Variants in RIC1 observed in about 807,000 individuals in gnomAD.
RIC1 encodes guanine nucleotide exchange factor subunit RIC1.
In RIC1, 88 loss-of-function variants were observed where a neutral mutation model predicts 169.0. The observed-to-expected ratio is 0.52, with a 90% CI of 0.44 to 0.62. The LOEUF (loss-of-function observed/expected upper bound fraction) is 0.62. Ranked by LOEUF, RIC1 falls within the 20% of genes least tolerant of loss-of-function variation. RIC1 has a pLI of 0.00. For synonymous variants in RIC1, 790 were observed against 601.5 expected (o/e 1.31, Z -4.59); for missense variants, 1,877 against 1,725.5 (o/e 1.09, Z -1.56).
rs565421452 is a variant in RIC1 at position 5,683,949 on chromosome 9, G to A, written c.253-6010G>A. On this transcript the variant is annotated intron_variant, in intron 2 of 25. Coordinates refer to ENST00000414202, the MANE Select transcript of RIC1 (RefSeq NM_020829.4). ...GGGCATAGGACCCTCCGAGCCAGGT[G>A]CGGGATATAATCTCCTGGTATGCCA... is the stretch of plus-strand genomic sequence containing the variant. 1.1e-4 allele frequency among the ~76,000 whole-genome samples: 16 copies of A among 152,326 alleles called. 1 individual carries two copies. The highest frequency in any genetic ancestry group is 3.6e-4 in the African/African-American group (15 of 41,576).
intron 3 of RIC1, among the ~76,000 whole-genome samples, chr9:5,704,023 A>T (rs1410940363): frequency 6.9e-6 from 1 of 144,650 alleles, no homozygotes; most frequent in Non-Finnish European, 1.5e-5. Flanking sequence ...TATCCTCATC[A>T]ACATTTGTTA....
intron 2 of RIC1, among the ~76,000 whole-genome samples, chr9:5,659,961 A>G (rs927860501): frequency 3.9e-5 from 6 of 152,012 alleles, no homozygotes; most frequent in Non-Finnish European, 2.9e-5. Context: ...TAAGCCCAGC[A>G]TCCATTAGCT....
intron 3 of RIC1, among the ~76,000 whole-genome samples, chr9:5,705,191 T>A (rs891597073): frequency 8.0e-6 from 1 of 125,158 alleles, no homozygotes; most frequent in African/African-American, 3.3e-5. Flanking sequence ...TTCCCATTTC[T>A]GTTTTTTTTT....
At chr9:5,770,705 T>G (rs1200240806) in intron 23 of RIC1, among the ~76,000 whole-genome samples, 1 of 152,240 alleles carries the variant, frequency 6.6e-6, no homozygotes, top group Admixed American at 6.5e-5. Context: ...GTTTTTTATT[T>G]CATCAATAAA....
intron 2 of RIC1, among the ~76,000 whole-genome samples, chr9:5,666,618 C>G (rs1262287463): frequency 6.6e-6 from 1 of 152,108 alleles, no homozygotes; most frequent in Non-Finnish European, 1.5e-5. Flanking sequence ...TTGTCAAATG[C>G]TCTCTTTGCG....
intron 17 of RIC1, among the ~76,000 whole-genome samples, 178 bp downstream of exon 17, chr9:5,757,629 AAAT>A (rs1330134053): frequency 6.6e-6 from 1 of 152,276 alleles, no homozygotes; most frequent in Non-Finnish European, 1.5e-5. Context: ...GGCATTAAAT[AAAT>A]AATTACATAC....
At chr9:5,667,160 A>G (rs1011774843) in intron 2 of RIC1, among the ~76,000 whole-genome samples, 1 of 152,044 alleles carries the variant, frequency 6.6e-6, no homozygotes, top group Admixed American at 6.6e-5. Context: ...TGCCATCGCT[A>G]CAAAAAATAA....
intron 2 of RIC1, 125 bp downstream of exon 2, chr9:5,656,815 G>A (rs1819127837): frequency 1.7e-6 from 1 of 579,134 alleles, no homozygotes; most frequent in African/African-American, 1.9e-5. Flanking sequence ...TATTCTGATA[G>A]GAATTGCTTT....
At chr9:5,684,732 G>GA (rs1281041757) in intron 2 of RIC1, among the ~76,000 whole-genome samples, 1 of 151,932 alleles carries the variant, frequency 6.6e-6, no homozygotes. Context: ...TTACTGCCTA[G>GA]AGTCTAGACA....
rs893128932 is a variant in RIC1 at position 5,695,161 on chromosome 9, A to G, written c.332+5123A>G. Among the ~76,000 whole-genome samples, 107 of 152,334 alleles carry G rather than the reference A, an allele frequency of 7.0e-4. 1 individual carries two copies. Among genetic ancestry groups the G allele is most frequent in the African/African-American group, 2.5e-3 (104 of 41,586 alleles). On this transcript the variant is annotated intron_variant, in intron 3 of 25. Coordinates refer to ENST00000414202, the MANE Select transcript of RIC1 (RefSeq NM_020829.4). ...GACATATAAAAGGATCTCAAAGATG[A>G]TGAGGTAACAAAACATATATCCAGG...
intron 17 of RIC1, 64 bp from the exon 18 acceptor site, chr9:5,762,477 G>T (rs1826405659): frequency 6.3e-7 from 1 of 1,587,610 alleles, no homozygotes; most frequent in Non-Finnish European, 8.6e-7. Context: ...TATGGATTGG[G>T]GGGAGATGCG....
chr9:5,762,808 G>C, intron 18 of RIC1, 148 bp downstream of exon 18: 1 of 1,015,972 alleles, frequency 9.8e-7, no homozygotes, highest in African/African-American at 1.6e-5. Flanking sequence ...CTGGGTGTAA[G>C]ACTGACTGAC....
Position 5,629,338 on chromosome 9 carries a change from G to A in RIC1, c.29G>A (p.Arg10Lys). 1 of 1,531,010 alleles carries A rather than the reference G, an allele frequency of 6.5e-7. No individual in the cohort carries two copies. Among genetic ancestry groups the A allele is most frequent in the Non-Finnish European group, 8.7e-7 (1 of 1,145,058 alleles). The allele number at this position is 1,531,010 out of a possible 1,614,324, so 94.8% of individuals were successfully genotyped here. ...TATTTTCTGAGCGGCTGGCCCAAGAGGCTGCTGTGCCCTCTGGGGAGCCCG... is the reference window on the plus strand; with the variant it reads ...TATTTTCTGAGCGGCTGGCCCAAGAAGCTGCTGTGCCCTCTGGGGAGCCCG... MYFLSGWPKRLLCPLGSPAE... is the reference protein window; with the variant it reads MYFLSGWPKKLLCPLGSPAE... The change falls in exon 1 of 26, where the codon AGG becomes AAG. Residue 10 changes from arginine to lysine, a missense_variant. This residue lies in a region of RIC1 where 1,104 missense variants were observed against 992.0 expected (regional missense o/e 1.11). Coordinates refer to ENST00000414202, the MANE Select transcript of RIC1 (RefSeq NM_020829.4).
intron 6 of RIC1, among the ~76,000 whole-genome samples, chr9:5,722,255 G>GT (rs1823644036): frequency 1.4e-5 from 2 of 139,874 alleles, no homozygotes; most frequent in African/African-American, 5.4e-5. Flanking sequence ...TGGAGGAAGA[G>GT]ATTTTTTTTT....
At chr9:5,656,221 T>C (rs145395342) in intron 1 of RIC1, among the ~76,000 whole-genome samples, 1 of 152,294 alleles carries the variant, frequency 6.6e-6, no homozygotes, top group African/African-American at 2.4e-5. Flanking sequence ...ATTAAGGGAA[T>C]GCTGGACTCA....
intron 2 of RIC1, among the ~76,000 whole-genome samples, chr9:5,660,087 T>C (rs761405204): frequency 6.6e-6 from 1 of 152,184 alleles, no homozygotes; most frequent in Admixed American, 6.5e-5. Context: ...CTCCCACTTA[T>C]AAGTGAAAAC....
chr9:5,770,388 C>A, intron 23 of RIC1, 110 bp downstream of exon 23: 1 of 963,414 alleles, frequency 1.0e-6, no homozygotes, highest in Non-Finnish European at 1.5e-6. Flanking sequence ...GGAGGATTAA[C>A]CATTTGTATC....
At chr9:5,769,737 T>C (rs1034539822) in intron 22 of RIC1, 2 of 239,622 alleles carry the variant, frequency 8.3e-6, no homozygotes, top group African/African-American at 2.3e-5. Context: ...GTTCTAATTA[T>C]TATTATTTGT....
At chr9:5,732,628 G>A in intron 7 of RIC1, 149 bp downstream of exon 7, 1 of 487,608 alleles carries the variant, frequency 2.1e-6, no homozygotes, top group Non-Finnish European at 3.6e-6. Context: ...AAATGTAAAA[G>A]TATTTTATTA....
Sources: gnomAD v4.1 joint callset for allele counts (sites outside exome capture counted in the v4.1 genomes callset) on GRCh38, gnomAD v4.1.1 for gene constraint, gnomAD v4.1.1 regional missense constraint, MANE v1.5 for transcripts, NCBI Gene and HGNC (gene_info 2026-07-23, HGNC 2026-07-21) for gene names.